The following FCHO2 variants were observed in gnomAD, a reference collection of about 807,000 sequenced individuals.
FCHO2 encodes FCH and mu domain containing endocytic adaptor 2.
In FCHO2, 43 loss-of-function variants were observed where a neutral mutation model predicts 114.1. That is an observed-to-expected ratio of 0.38 (90% CI 0.30 to 0.49). FCHO2 has a LOEUF of 0.49. Ranked by LOEUF, FCHO2 falls within the 20% of genes least tolerant of loss-of-function variation. The pLI, the probability that FCHO2 is intolerant of heterozygous loss-of-function variation, is 0.97. For missense variants in FCHO2, 807 were observed against 950.4 expected (o/e 0.85, Z 1.98); for synonymous variants, 293 against 315.2 (o/e 0.93, Z 0.75).
intron 2 of FCHO2, among the ~76,000 whole-genome samples, chr5:72,986,546 C>A (rs1200453357): frequency 2.6e-5 from 4 of 152,116 alleles, no homozygotes; most frequent in Non-Finnish European, 5.9e-5. Context: ...CTTAACTGCC[C>A]CTTAAGTTTT....
intron 20 of FCHO2, among the ~76,000 whole-genome samples, chr5:73,075,940 A>C (rs1373827281): frequency 6.6e-6 from 1 of 152,142 alleles, no homozygotes; most frequent in Admixed American, 6.6e-5. Context: ...TTGGTAGTGT[A>C]ATTAGTTTGT....
intron 11 of FCHO2, among the ~76,000 whole-genome samples, chr5:73,046,435 C>T (rs1422859985): frequency 6.6e-6 from 1 of 152,054 alleles, no homozygotes; most frequent in Non-Finnish European, 1.5e-5. Flanking sequence ...GCTTACTCAG[C>T]CATATAGAAA....
chr5:73,036,237 A>T (rs1158487675), intron 9 of FCHO2, among the ~76,000 whole-genome samples: 2 of 152,236 alleles, frequency 1.3e-5, no homozygotes, highest in African/African-American at 4.8e-5. Context: ...TAGGAAAATC[A>T]AAGATAATTT....
chr5:73,081,028 C>T (rs1743074359), intron 22 of FCHO2, among the ~76,000 whole-genome samples: 1 of 151,952 alleles, frequency 6.6e-6, no homozygotes, highest in South Asian at 2.1e-4. Context: ...GAGGATTGCT[C>T]GAGCCCAGGA....
intron 11 of FCHO2, among the ~76,000 whole-genome samples, chr5:73,050,635 T>G (rs535366015): frequency 2.0e-5 from 3 of 152,162 alleles, no homozygotes; most frequent in Non-Finnish European, 4.4e-5. Flanking sequence ...GTGTTTTTAT[T>G]GGCAAGACTA....
chr5:73,065,007 G>A (rs893521128), intron 18 of FCHO2, among the ~76,000 whole-genome samples: 4 of 151,796 alleles, frequency 2.6e-5, no homozygotes, highest in South Asian at 2.1e-4. Flanking sequence ...CTATTCCTTC[G>A]TCAGTCTCAT....
At position 73,082,742 on chromosome 5, in the gene FCHO2, A is replaced by G; in HGVS notation, c.2181-19A>G. The G allele has an allele frequency of 1.9e-6, 3 of 1,592,538 alleles. No homozygotes were observed. The highest frequency in any genetic ancestry group is 2.6e-6 in the Non-Finnish European group (3 of 1,169,540). On this transcript the variant is annotated intron_variant, in intron 23 of 25. Transcript: ENST00000430046. ...ACTATACTAGACACAAAACCTGAAG[A>G]TATCTGTTCTTATTGCAGGAATGCA...
chr5:72,979,872 T>C (rs529618254), intron 2 of FCHO2, among the ~76,000 whole-genome samples: 55 of 152,164 alleles, frequency 3.6e-4, no homozygotes, highest in Non-Finnish European at 6.5e-4. Context: ...TCTATCTATT[T>C]TGTTGATCTT....
chr5:73,013,078 A>G (rs1755107484), intron 6 of FCHO2, among the ~76,000 whole-genome samples: 1 of 152,160 alleles, frequency 6.6e-6, no homozygotes, highest in Admixed American at 6.5e-5. Context: ...CTTCTAGTAA[A>G]TGCTCCTCAG....
intron 1 of FCHO2, among the ~76,000 whole-genome samples, chr5:72,958,685 C>A (rs1269213965): frequency 6.6e-6 from 1 of 152,164 alleles, no homozygotes; most frequent in Non-Finnish European, 1.5e-5. Flanking sequence ...GGGTTCCTTG[C>A]ATTTCCAGAT....
Position 73,088,108 on chromosome 5 carries a change from T to G in FCHO2, c.*18T>G. 2.5e-6 allele frequency: 4 copies of G among 1,613,196 alleles called. No homozygotes were observed. The highest frequency in any genetic ancestry group is 1.7e-6 in the Non-Finnish European group (2 of 1,179,552). On this transcript the variant is annotated 3_prime_UTR_variant, in exon 26 of 26. Coordinates refer to ENST00000430046, the MANE Select transcript of FCHO2 (RefSeq NM_138782.3). ...ATTGTTGATGGACCTGGGAAAGTGA[T>G]GTGGCTTCAGGGATTACAAACCTGC...
intron 8 of FCHO2, among the ~76,000 whole-genome samples, chr5:73,028,409 G>C (rs1007288418): frequency 6.6e-6 from 1 of 152,246 alleles, no homozygotes; most frequent in Middle Eastern, 3.4e-3. Context: ...TATGTGCAAA[G>C]ACTTGCATAT....
rs529880002 is a variant in FCHO2, at chr5:72,997,982, A to C, written c.495+7118A>C. Among the ~76,000 whole-genome samples, 35 of 152,312 alleles carry C rather than the reference A, an allele frequency of 2.3e-4. No homozygotes were observed. In the South Asian group the frequency reaches 2.7e-3, roughly 12 times the overall value. ...AGATATATGGTGATCCAGGAGGCTC[A>C]AAGAGAAGCCAAGTCAGCTTTGTTG... is the stretch of plus-strand genomic sequence containing the variant. On this transcript the variant is annotated intron_variant, in intron 5 of 25. Coordinates refer to ENST00000430046, the MANE Select transcript of FCHO2 (RefSeq NM_138782.3).
At chr5:72,988,702 T>G (rs1383014721) in intron 2 of FCHO2, among the ~76,000 whole-genome samples, 1 of 152,228 alleles carries the variant, frequency 6.6e-6, no homozygotes, top group Non-Finnish European at 1.5e-5. Context: ...TTTGTGCAAA[T>G]GACTGTCATT....
At chr5:72,972,886 A>G (rs567297428) in intron 2 of FCHO2, among the ~76,000 whole-genome samples, 1 of 152,232 alleles carries the variant, frequency 6.6e-6, no homozygotes, top group East Asian at 1.9e-4. Context: ...ATCAATGCCT[A>G]ATTTATTGAG....
intron 11 of FCHO2, among the ~76,000 whole-genome samples, chr5:73,043,866 T>G (rs1343039850): frequency 1.3e-5 from 2 of 152,162 alleles, no homozygotes; most frequent in African/African-American, 4.8e-5. Context: ...TTTTACTTAT[T>G]TTATTTTGAG....
intron 19 of FCHO2, among the ~76,000 whole-genome samples, chr5:73,071,482 T>C (rs1041726576): frequency 6.6e-6 from 1 of 152,038 alleles, no homozygotes; most frequent in Non-Finnish European, 1.5e-5. Context: ...ATCCATTGAT[T>C]GTTATAAGAA....
chr5:73,068,727 T>A lies in FCHO2; in HGVS notation c.1527T>A (p.Ser509=), dbSNP rs1454850578. The change falls in exon 19 of 26, where the codon TCT becomes TCA. Residue 509 remains serine (S), a synonymous_variant. Transcript: ENST00000430046. ...PAAPLARAES[S]SSISSSASLS... ...CACCATTAGCCCGGGCAGAAAGTTCTTCTTCTATCTCATCATCTGCTTCAT... is the reference window on the plus strand; with the variant it reads ...CACCATTAGCCCGGGCAGAAAGTTCATCTTCTATCTCATCATCTGCTTCAT... 6.2e-7 allele frequency: 1 copy of A among 1,612,490 alleles called. No individual in the cohort carries two copies. The highest frequency in any genetic ancestry group is 2.2e-5 in the East Asian group (1 of 44,832).
intron 24 of FCHO2, 21 bp downstream of exon 24, chr5:73,082,846 T>A: frequency 6.4e-7 from 1 of 1,556,818 alleles, no homozygotes; most frequent in Middle Eastern, 1.7e-4. Flanking sequence ...GTGTCCTTTT[T>A]TATTTATAAA....
Sources: gnomAD v4.1 joint callset for allele counts (sites outside exome capture counted in the v4.1 genomes callset) on GRCh38, gnomAD v4.1.1 for gene constraint, MANE v1.5 for transcripts, NCBI Gene and HGNC (gene_info 2026-07-23, HGNC 2026-07-21) for gene names.